Variants in BAP1 observed in about 807,000 individuals in gnomAD.
The protein encoded by BAP1 is BRCA1 associated deubiquitinase 1.
Under a neutral mutation model 77.2 loss-of-function variants are expected in BAP1, and 16 were observed. The ratio of observed to expected loss-of-function variants is 0.21; its 90% CI spans 0.14 to 0.31. The LOEUF (loss-of-function observed/expected upper bound fraction) is 0.31. BAP1 is among the 10% of genes least tolerant of loss of function. BAP1 has a pLI of 1.00. For missense variants in BAP1, 699 were observed against 967.3 expected (o/e 0.72, Z 3.68); for synonymous variants, 362 against 385.2 (o/e 0.94, Z 0.71).
Position 52,403,998 on chromosome 3 carries a change from T to C in BAP1, c.1251-104A>G. On this transcript the variant is annotated intron_variant, in intron 12 of 16. Transcript: ENST00000460680. This position sits in a 1 kb window ranked among gnomAD's most constrained non-coding sequence, Gnocchi z 4.0. ...CATCCCGACCTCCAGGGGCTGACCC[T>C]AAAACTCCTTATACTTGGTCCAAGC... 2 of 1,199,510 alleles carry C rather than the reference T, an allele frequency of 1.7e-6. No homozygotes were observed. The highest frequency in any genetic ancestry group is 2.3e-5 in the East Asian group (1 of 42,626). 74.3% of individuals were successfully genotyped at this position (1,199,510 alleles called of 1,614,324 possible).
At chr3:52,405,384 C>T in intron 10 of BAP1, 90 bp from the exon 11 acceptor site, 1 of 1,512,036 alleles carries the variant, frequency 6.6e-7, no homozygotes, top group Non-Finnish European at 9.1e-7. Context: ...CAGCACTTCC[C>T]AGAGAAGAAC....
chr3:52,404,675 G>A (rs1705093074), intron 11 of BAP1, 89 bp from the exon 12 acceptor site: 3 of 1,538,136 alleles, frequency 2.0e-6, no homozygotes, highest in Non-Finnish European at 1.7e-6. Flanking sequence ...AGCCAACATG[G>A]TTTTCCAGAC....
At chr3:52,405,489 GAAGAA>G (rs1559588816) in intron 10 of BAP1, 195 bp from the exon 11 acceptor site, 172 of 56,686 alleles carry the variant, frequency 3.0e-3, no homozygotes, top group South Asian at 0.019. Context: ...AAAGAAGCAG[GAAGAA>G]AAAAAAAAAA....
chr3:52,405,205 T>C lies in BAP1; in HGVS notation c.1021A>G (p.Ser341Gly), dbSNP rs2153227039. The C allele has an allele frequency of 6.2e-7, 1 of 1,614,140 alleles. No individual in the cohort carries two copies. The highest frequency in any genetic ancestry group is 8.5e-7 in the Non-Finnish European group (1 of 1,180,036). Residue 341 changes from serine to glycine, a missense_variant, in exon 11 of 17, where the codon AGC becomes GGC. Around this residue, in one of 3 missense-constraint regions of BAP1, gnomAD observed 475 missense variants for 532.4 expected, o/e 0.89. Coordinates refer to ENST00000460680, the MANE Select transcript of BAP1 (RefSeq NM_004656.4). Reference sequence around the variant, plus strand: ...TTGGGGTGAACCCCATTGAGGCTGCTGCCTGGAGGCTTCACCACTAGCTTG... The same window carrying C: ...TTGGGGTGAACCCCATTGAGGCTGCCGCCTGGAGGCTTCACCACTAGCTTG... ...KPKLVVKPPGSSLNGVHPNPT... is the reference protein window; with the variant it reads ...KPKLVVKPPGGSLNGVHPNPT...
intron 5 of BAP1, 125 bp downstream of exon 5, chr3:52,407,831 CAT>C: frequency 7.0e-7 from 1 of 1,435,138 alleles, no homozygotes; most frequent in Non-Finnish European, 9.6e-7. Flanking sequence ...TCAAATGTAA[CAT>C]AAACAATCAT....
At position 52,404,586 on chromosome 3, in the gene BAP1, C is replaced by T. The variant is rs1383367199; in HGVS notation, c.1117G>A (p.Glu373Lys). 1 of 1,613,134 alleles carries T rather than the reference C, an allele frequency of 6.2e-7. No homozygotes were observed. The highest frequency in any genetic ancestry group is 2.2e-5 in the East Asian group (1 of 44,872). The change falls in exon 12 of 17, where the codon GAG (glutamate) becomes AAG (lysine). Residue 373 changes from glutamate to lysine, a missense_variant and splice_region_variant. Glu to Lys is a moderately conservative substitution (Grantham distance 56). Around this residue, in one of 3 missense-constraint regions of BAP1, gnomAD observed 475 missense variants for 532.4 expected, o/e 0.89. Coordinates refer to ENST00000460680, the MANE Select transcript of BAP1 (RefSeq NM_004656.4). ...NHNYAKSPMQ[E>K]EEDLAAGVGR... ...ACACCTGCCGCCAGGTCTTCTTCCTCCTGGGACAAAGACCAGGGCAGTTAC... is the reference window on the plus strand; with the variant it reads ...ACACCTGCCGCCAGGTCTTCTTCCTTCTGGGACAAAGACCAGGGCAGTTAC...
At chr3:52,407,005 G>T (rs1705186202) in intron 7 of BAP1, 98 bp from the exon 8 acceptor site, 3 of 1,491,880 alleles carry the variant, frequency 2.0e-6, no homozygotes, top group Admixed American at 3.9e-5. Flanking sequence ...TTGAGCCAGG[G>T]AATCAGGAGC....
In BAP1 at chr3:52,402,377, G is replaced by A. The variant is rs1244342890; in HGVS notation, c.2101C>T (p.Arg701Cys). Residue 701 changes from arginine (R) to cysteine (C), a missense_variant, in exon 17 of 17, where the codon CGC becomes TGC. Physicochemically the swap from Arg to Cys is radical, Grantham distance 180. Transcript: ENST00000460680. This position sits in a 1 kb window ranked among gnomAD's most constrained non-coding sequence, Gnocchi z 5.3. ...AGCCGGCCGATGCTGACCCCTTGGC[G>A]CCGCCGCACGGAGATGTTCTGCTCC... Reference protein sequence around the residue: ...LVEQNISVRRRQGVSIGRLHK... With the variant: ...LVEQNISVRRCQGVSIGRLHK... The A allele has an allele frequency of 1.9e-6, 3 of 1,572,114 alleles. No homozygotes were observed. Among genetic ancestry groups the A allele is most frequent in the Non-Finnish European group, 2.6e-6 (3 of 1,160,100 alleles).
In BAP1 at chr3:52,401,371, CT is replaced by C. The variant is rs1330526725; in HGVS notation, c.*916del. Reference sequence around the variant, plus strand: ...AGCAGGAAGAGCTGAGTGGTGCCAGCTTCCTATAAGCAACCCTGTCTCTGCT... The same window carrying C: ...AGCAGGAAGAGCTGAGTGGTGCCAGCTCCTATAAGCAACCCTGTCTCTGCT... On this transcript the variant is annotated 3_prime_UTR_variant, in exon 17 of 17. Coordinates refer to ENST00000460680, the MANE Select transcript of BAP1 (RefSeq NM_004656.4). 9 of 233,424 alleles carry C rather than the reference CT, an allele frequency of 3.9e-5. No homozygotes were observed. The highest frequency in any genetic ancestry group is 5.1e-5 in the Non-Finnish European group (6 of 117,970). 14.5% of individuals were successfully genotyped at this position (233,424 alleles called of 1,614,324 possible). A position where few individuals can be genotyped will look rare whatever the true frequency, so the allele number is the denominator to read the frequency against.
At chr3:52,408,099 C>T (rs2153228174) in intron 4 of BAP1, 22 bp from the exon 5 acceptor site, 2 of 1,588,818 alleles carry the variant, frequency 1.3e-6, no homozygotes, top group South Asian at 1.1e-5. Context: ...AGAATAGTCA[C>T]CCATACACAG....
rs1578218674 is a variant in BAP1, at chr3:52,402,623, T to C, written c.2035A>G (p.Ile679Val). The C allele has an allele frequency of 1.9e-6, 3 of 1,614,156 alleles. No individual in the cohort carries two copies. Among genetic ancestry groups the C allele is most frequent in the Non-Finnish European group, 2.5e-6 (3 of 1,180,020 alleles). ...HNYDEFICTF[I>V]SMLAQEGMLA... ...TCACCTTCCTGAGCCAGCATGGAGA[T>C]AAAGGTGCAGATGAACTCATCGTAG... Residue 679 changes from isoleucine to valine, a missense_variant, in exon 16 of 17, where the codon ATC becomes GTC. Ile to Val is a conservative substitution (Grantham distance 29, BLOSUM62 3). Transcript: ENST00000460680. The surrounding 1 kb of genome is among the most constrained non-coding windows in gnomAD (Gnocchi z 5.3).
rs768718216 is a variant in BAP1 at position 52,404,482 on chromosome 3, ATCC to A, written c.1218_1220del (p.Glu406del). 2 of 1,614,094 alleles carry A rather than the reference ATCC, an allele frequency of 1.2e-6. No homozygotes were observed. Among genetic ancestry groups the A allele is most frequent in the Admixed American group, 1.7e-5 (1 of 59,992 alleles). On this transcript the variant is annotated inframe_deletion, in exon 12 of 17. Coordinates refer to ENST00000460680, the MANE Select transcript of BAP1 (RefSeq NM_004656.4). ...GGGCAGAGTTGGTGTTCTGCACGTC[ATCC>A]TCCTCGTCATCCTCATAGTCATCCT...
Position 52,402,105 on chromosome 3 carries a change from A to T in BAP1, c.*183T>A, listed in dbSNP as rs1482506245. On this transcript the variant is annotated 3_prime_UTR_variant, in exon 17 of 17. Transcript: ENST00000460680. This position sits in a 1 kb window ranked among gnomAD's most constrained non-coding sequence, Gnocchi z 5.3. The stretch of plus-strand genomic sequence containing the variant: ...CTGCCTCCTGAGCACTATGGGGCTG[A>T]TCTGCCGTGTCAGGCCTCAGGGCAC... The T allele has an allele frequency of 9.5e-7, 1 of 1,057,736 alleles. No homozygotes were observed. The highest frequency in any genetic ancestry group is 1.4e-6 in the Non-Finnish European group (1 of 740,120). 65.5% of individuals were successfully genotyped at this position (1,057,736 alleles called of 1,614,324 possible). A position where few individuals can be genotyped will look rare whatever the true frequency, so the allele number is the denominator to read the frequency against.
At chr3:52,407,099 C>G (rs768357358) in intron 7 of BAP1, 75 bp downstream of exon 7, 311 of 1,607,160 alleles carry the variant, frequency 1.9e-4, no homozygotes, top group Non-Finnish European at 2.5e-4. Flanking sequence ...GTACCACATA[C>G]CAGAGGGCCC....
At position 52,409,953 on chromosome 3, in the gene BAP1, C is replaced by G; in HGVS notation, c.-75G>C. On this transcript the variant is annotated 5_prime_UTR_variant, in exon 1 of 17. Transcript: ENST00000460680. The stretch of plus-strand genomic sequence containing the variant: ...CCGCTGCCCCCACCGGGAGCCCCCA[C>G]CGCCCCCGGGGCCCCTCAGTCCCAC... The G allele has an allele frequency of 6.4e-7, 1 of 1,554,422 alleles. No individual in the cohort carries two copies. The highest frequency in any genetic ancestry group is 2.4e-5 in the East Asian group (1 of 42,364).
rs1283986486 is a variant in BAP1, at chr3:52,406,470, C to T, written c.660-94G>A. The T allele has an allele frequency of 6.4e-7, 1 of 1,573,960 alleles. No individual in the cohort carries two copies. Among genetic ancestry groups the T allele is most frequent in the Non-Finnish European group, 8.6e-7 (1 of 1,161,854 alleles). ...CCTGGCAGGGCTCCCTGCAGTCACA[C>T]CTGCAGCTGTAGGTATAGGCCCCAC... On this transcript the variant is annotated intron_variant, in intron 8 of 16. Transcript: ENST00000460680. This position sits in a 1 kb window ranked among gnomAD's most constrained non-coding sequence, Gnocchi z 4.6.
At chr3:52,407,641 G>C (rs1468388101) in intron 5 of BAP1, among the ~76,000 whole-genome samples, 181 bp from the exon 6 acceptor site, 3 of 152,190 alleles carry the variant, frequency 2.0e-5, no homozygotes, top group African/African-American at 7.2e-5. Flanking sequence ...GAGATGGACT[G>C]TGCTGGCCTT....
Position 52,406,564 on chromosome 3 carries a change from T to G in BAP1, c.660-188A>C. The G allele has an allele frequency of 1.0e-6, 1 of 977,850 alleles. No individual in the cohort carries two copies. The highest frequency in any genetic ancestry group is 1.5e-6 in the Non-Finnish European group (1 of 651,702). The allele number at this position is 977,850 out of a possible 1,614,324, so 60.6% of individuals were successfully genotyped here. A position where few individuals can be genotyped will look rare whatever the true frequency, so the allele number is the denominator to read the frequency against. On this transcript the variant is annotated intron_variant, in intron 8 of 16. Transcript: ENST00000460680. The surrounding 1 kb of genome is among the most constrained non-coding windows in gnomAD (Gnocchi z 4.6). ...AGCTGGTACCTTCCAACAAGCTGTATGAGGGGCCTATCTGGAAGTGAACCA... is the reference window on the plus strand; with the variant it reads ...AGCTGGTACCTTCCAACAAGCTGTAGGAGGGGCCTATCTGGAAGTGAACCA...
At position 52,401,251 on chromosome 3, in the gene BAP1, C is replaced by T. The variant is rs1318965101; in HGVS notation, c.*1037G>A. On this transcript the variant is annotated 3_prime_UTR_variant, in exon 17 of 17. Transcript: ENST00000460680. ...CACTGCTGGGCCCATTACCCCTTGG[C>T]ATCAGGTCCTCTGGAACACAGGGGC... 1 of 233,108 alleles carries T rather than the reference C, an allele frequency of 4.3e-6. No homozygotes were observed. The highest frequency in any genetic ancestry group is 8.5e-6 in the Non-Finnish European group (1 of 117,900). The allele number at this position is 233,108 out of a possible 1,614,324, so 14.4% of individuals were successfully genotyped here.
Sources: gnomAD v4.1 joint callset for allele counts (sites outside exome capture counted in the v4.1 genomes callset) on GRCh38, gnomAD v4.1.1 for gene constraint, gnomAD v4.1.1 regional missense constraint, Gnocchi (gnomAD v3.1) non-coding constraint, MANE v1.5 for transcripts, NCBI Gene and HGNC (gene_info 2026-07-23, HGNC 2026-07-21) for gene names.